The following IQSEC3 variants were observed in gnomAD, a reference collection of about 807,000 sequenced individuals.
IQSEC3 encodes the protein IQ motif and SEC7 domain-containing protein 3.
In IQSEC3, 50 loss-of-function variants were observed where a neutral mutation model predicts 105.4. The observed-to-expected ratio is 0.47, with a 90% CI of 0.38 to 0.60. IQSEC3 has a LOEUF of 0.60. IQSEC3 is among the 20% of genes least tolerant of loss of function. IQSEC3 has a pLI of 0.00. For missense variants in IQSEC3, 1,415 were observed against 1,630.0 expected (o/e 0.87, Z 2.27); for synonymous variants, 708 against 746.0 (o/e 0.95, Z 0.83).
intron 1 of IQSEC3, among the ~76,000 whole-genome samples, chr12:85,150 A>G (rs1184089932): frequency 6.6e-6 from 1 of 152,256 alleles, no homozygotes; most frequent in Non-Finnish European, 1.5e-5. Context: ...GCTATTGGTC[A>G]GGACTTGCCT....
chr12:89,968 T>C (rs1411716113), intron 1 of IQSEC3, among the ~76,000 whole-genome samples: 4 of 152,268 alleles, frequency 2.6e-5, no homozygotes, highest in Admixed American at 6.5e-5. Flanking sequence ...ATGATAAATG[T>C]ATGTTTAACT....
At chr12:148,514 C>G (rs1866374388) in intron 5 of IQSEC3, 1 of 152,128 alleles carries the variant, frequency 6.6e-6, no homozygotes, top group Non-Finnish European at 1.5e-5. Flanking sequence ...CTACCCAGGC[C>G]CCCTCAAAAG....
chr12:144,410 T>C (rs1290242704), intron 5 of IQSEC3: 1 of 152,188 alleles, frequency 6.6e-6, no homozygotes, highest in African/African-American at 2.4e-5. Context: ...CGGTATTCAT[T>C]CTGTACAAAG....
chr12:165,005 T>C (rs1867099442), intron 9 of IQSEC3, among the ~76,000 whole-genome samples: 1 of 152,092 alleles, frequency 6.6e-6, no homozygotes, highest in Admixed American at 6.5e-5. Context: ...TCTAAGGAGG[T>C]AGCATTTGAG....
At chr12:155,881 G>T (rs1490235114) in intron 5 of IQSEC3, among the ~76,000 whole-genome samples, 6 of 152,246 alleles carry the variant, frequency 3.9e-5, no homozygotes, top group Non-Finnish European at 5.9e-5. Context: ...TGGGTGTAGA[G>T]TGGGCAAACG....
chr12:76,905 A>G (rs1175407978), intron 1 of IQSEC3, among the ~76,000 whole-genome samples: 4 of 152,262 alleles, frequency 2.6e-5, no homozygotes, highest in Non-Finnish European at 4.4e-5. Context: ...CAAACCAGCC[A>G]ACCACCTGCC....
chr12:138,452 C>A lies in IQSEC3; in HGVS notation c.1089C>A (p.Ser363Arg). ...AGGTGCGGTCACCCACGGCCGAGAG[C>A]CTGGCGGCCGAGAAAGCGCTCATGG... is the stretch of plus-strand genomic sequence containing the variant. The part of the protein sequence containing the change: ...LRKVRSPTAE[S>R]LAAEKALMEG... Residue 363 changes from serine (S) to arginine (R), a missense_variant, in exon 4 of 14, where the codon AGC becomes AGA. Transcript: ENST00000538872. This position sits in a 1 kb window ranked among gnomAD's most constrained non-coding sequence, Gnocchi z 7.1. The A allele has an allele frequency of 1.2e-6, 2 of 1,603,578 alleles. No homozygotes were observed. Among genetic ancestry groups the A allele is most frequent in the Non-Finnish European group, 8.5e-7 (1 of 1,178,942 alleles).
In IQSEC3 at chr12:165,764, T is replaced by G; in HGVS notation, c.2845T>G (p.Ser949Ala). 1 of 1,613,956 alleles carries G rather than the reference T, an allele frequency of 6.2e-7. No individual in the cohort carries two copies. The highest frequency in any genetic ancestry group is 1.1e-5 in the South Asian group (1 of 91,084). The change falls in exon 11 of 14, where the codon TCG becomes GCG. Residue 949 changes from serine to alanine, a missense_variant. Coordinates refer to ENST00000538872, the MANE Select transcript of IQSEC3 (RefSeq NM_001170738.2). ...SHGITLVTPLSGSEKKQVLHF... is the reference protein window; with the variant it reads ...SHGITLVTPLAGSEKKQVLHF... The stretch of plus-strand genomic sequence containing the variant: ...TGGCATCACACTGGTGACCCCGCTC[T>G]CGGGCTCCGAGAAGAAGCAGGTGCT...
rs1555083344 is a variant in IQSEC3 at position 125,957 on chromosome 12, C to CCT, written c.903+46_903+47dup. ...GGGGCGGGGAGGGTGGTGAAGGGGC[C>CCT]CTGCTTTGGGGGCTGTCGAGGGTAC... On this transcript the variant is annotated intron_variant, in intron 3 of 13. Coordinates refer to ENST00000538872, the MANE Select transcript of IQSEC3 (RefSeq NM_001170738.2). 4.6e-6 allele frequency: 7 copies of CCT among 1,509,376 alleles called. No homozygotes were observed. In the African/African-American group the frequency reaches 1.0e-4, roughly 22 times the overall value. The allele number at this position is 1,509,376 out of a possible 1,614,324, so 93.5% of individuals were successfully genotyped here.
chr12:114,672 A>G (rs1555080280), intron 2 of IQSEC3, among the ~76,000 whole-genome samples: 1 of 152,236 alleles, frequency 6.6e-6, no homozygotes, highest in African/African-American at 2.4e-5. Flanking sequence ...AGGCTGCCAC[A>G]GTGAAGACTG....
intron 11 of IQSEC3, among the ~76,000 whole-genome samples, chr12:168,678 G>A (rs1302265637): frequency 6.6e-6 from 1 of 152,122 alleles, no homozygotes; most frequent in Non-Finnish European, 1.5e-5. Flanking sequence ...GGCATGGAGA[G>A]GTTGGGTAAC....
chr12:151,100 C>T (rs1555092563), intron 5 of IQSEC3, among the ~76,000 whole-genome samples: 2 of 136,292 alleles, frequency 1.5e-5, no homozygotes, highest in African/African-American at 2.7e-5. Context: ...AAGATGGAGA[C>T]TCCGTCTCTC....
At chr12:79,735 T>A (rs1863680478) in intron 1 of IQSEC3, among the ~76,000 whole-genome samples, 1 of 152,178 alleles carries the variant, frequency 6.6e-6, no homozygotes, top group Non-Finnish European at 1.5e-5. Context: ...TACATTGACC[T>A]AGTACAAGAT....
chr12:68,475 GTCCA>G (rs1555066626), intron 1 of IQSEC3, among the ~76,000 whole-genome samples: 1 of 152,130 alleles, frequency 6.6e-6, no homozygotes, highest in African/African-American at 2.4e-5. Context: ...CACTCAGGAG[GTCCA>G]TGAACTAGGA....
chr12:111,034 C>T (rs143555532), intron 2 of IQSEC3, among the ~76,000 whole-genome samples: 170 of 152,256 alleles, frequency 1.1e-3, no homozygotes, highest in African/African-American at 3.9e-3. Flanking sequence ...TCTTGCTGCC[C>T]CCCGATCGCC....
chr12:164,911 T>C (rs1284639323), intron 9 of IQSEC3, among the ~76,000 whole-genome samples: 5 of 152,216 alleles, frequency 3.3e-5, no homozygotes, highest in African/African-American at 1.2e-4. Context: ...AACCAGGTGA[T>C]AGTACAGAGA....
Position 138,826 on chromosome 12 carries a change from T to C in IQSEC3, c.1463T>C (p.Val488Ala). The C allele has an allele frequency of 6.2e-7, 1 of 1,611,168 alleles. No individual in the cohort carries two copies. The highest frequency in any genetic ancestry group is 1.1e-5 in the South Asian group (1 of 90,846). ...ACCCTCATGATGGCTTTCCGGGACG[T>C]CACGGTGCAGATCGCCAACCAGAAC... ...SGTLMMAFRD[V>A]TVQIANQNIS... Residue 488 changes from valine (V) to alanine (A), a missense_variant, in exon 4 of 14, where the codon GTC (valine) becomes GCC (alanine). Physicochemically the swap from Val to Ala is moderately conservative, Grantham distance 64 (BLOSUM62 0). Coordinates refer to ENST00000538872, the MANE Select transcript of IQSEC3 (RefSeq NM_001170738.2). This position sits in a 1 kb window ranked among gnomAD's most constrained non-coding sequence, Gnocchi z 7.1.
rs143457568 is a variant in IQSEC3, at chr12:157,808, G to C, written c.2443+114G>C. On this transcript the variant is annotated intron_variant, in intron 7 of 13. Coordinates refer to ENST00000538872, the MANE Select transcript of IQSEC3 (RefSeq NM_001170738.2). ...ATCACAGATGGTCACCTGCTGTCTGGGCCTGGTCACCCATAGCAAGCTGGG... is the reference window on the plus strand; with the variant it reads ...ATCACAGATGGTCACCTGCTGTCTGCGCCTGGTCACCCATAGCAAGCTGGG... 7,807 of 1,223,314 alleles carry C rather than the reference G, an allele frequency of 6.4e-3. 67 individuals are homozygous for C. The highest frequency in any genetic ancestry group is 0.027 in the South Asian group (1,771 of 64,664). 75.8% of individuals were successfully genotyped at this position (1,223,314 alleles called of 1,614,324 possible).
intron 1 of IQSEC3, among the ~76,000 whole-genome samples, chr12:84,908 C>T (rs1591636596): frequency 6.6e-6 from 1 of 152,194 alleles, no homozygotes; most frequent in South Asian, 2.1e-4. Flanking sequence ...GCCACCTCCT[C>T]TGCAGATGCC....
Sources: gnomAD v4.1 joint callset for allele counts (sites outside exome capture counted in the v4.1 genomes callset) on GRCh38, gnomAD v4.1.1 for gene constraint, Gnocchi (gnomAD v3.1) non-coding constraint, MANE v1.5 for transcripts, NCBI Gene and HGNC (gene_info 2026-07-23, HGNC 2026-07-21) for gene names.